The following PAPPA variants were observed in gnomAD, a reference collection of about 807,000 sequenced individuals.
The protein encoded by PAPPA is pappalysin-1.
PAPPA carries 60 observed loss-of-function variants against 164.0 expected under a neutral mutation model. That is an observed-to-expected ratio of 0.37 (90% CI 0.30 to 0.45). The LOEUF (loss-of-function observed/expected upper bound fraction) is 0.45. Among genes scored for constraint, PAPPA ranks in the 20% least tolerant of loss-of-function variants. PAPPA has a pLI of 1.00. For synonymous variants in PAPPA, 875 were observed against 814.1 expected, an observed-to-expected ratio of 1.07 and a Z score of -1.27; for missense variants, 1,782 against 2,087.3, an observed-to-expected ratio of 0.85 and a Z score of 2.85.
intron 20 of PAPPA, 85 bp downstream of exon 20, chr9:116,377,732 C>A (rs1846674204): frequency 7.1e-6 from 7 of 991,182 alleles, no homozygotes; most frequent in Non-Finnish European, 1.1e-5. Flanking sequence ...GTTGGCTATC[C>A]TTTGCCATAC....
chr9:116,176,299 G>C (rs1028679098), intron 1 of PAPPA, among the ~76,000 whole-genome samples: 5 of 152,178 alleles, frequency 3.3e-5, no homozygotes, highest in African/African-American at 1.2e-4. Context: ...GAGCATCAGA[G>C]AAAGAGGTTT....
intron 7 of PAPPA, among the ~76,000 whole-genome samples, chr9:116,236,941 A>T (rs867328067): frequency 6.6e-6 from 1 of 152,222 alleles, no homozygotes; most frequent in African/African-American, 2.4e-5. Flanking sequence ...ATGTGATTCC[A>T]ACTTCTGTTT....
At position 116,187,023 on chromosome 9, in the gene PAPPA, G is replaced by A. The variant is rs1447049989; in HGVS notation, c.416-131G>A. Reference sequence around the variant, plus strand: ...CAGAGGCACCATTAGCAACTCCTAGGATCCCACAGAGCAGTTGGAAAGCGA... The same window carrying A: ...CAGAGGCACCATTAGCAACTCCTAGAATCCCACAGAGCAGTTGGAAAGCGA... On this transcript the variant is annotated intron_variant, in intron 1 of 21. Coordinates refer to ENST00000328252, the MANE Select transcript of PAPPA (RefSeq NM_002581.5). The surrounding 1 kb of genome is among the most constrained non-coding windows in gnomAD (Gnocchi z 4.2). 16 of 670,692 alleles carry A rather than the reference G, an allele frequency of 2.4e-5. No individual in the cohort carries two copies. The highest frequency in any genetic ancestry group is 4.0e-5 in the Non-Finnish European group (16 of 403,808). The allele number at this position is 670,692 out of a possible 1,614,324, so 41.5% of individuals were successfully genotyped here. A position where few individuals can be genotyped will look rare whatever the true frequency, so the allele number is the denominator to read the frequency against.
intron 6 of PAPPA, among the ~76,000 whole-genome samples, chr9:116,229,699 A>C (rs1424898030): frequency 1.3e-5 from 2 of 152,208 alleles, no homozygotes; most frequent in South Asian, 2.1e-4. Flanking sequence ...CCTGCATGTC[A>C]TAAAGATTGC....
intron 1 of PAPPA, among the ~76,000 whole-genome samples, chr9:116,172,874 A>G (rs934772716): frequency 6.6e-6 from 1 of 152,216 alleles, no homozygotes; most frequent in African/African-American, 2.4e-5. Context: ...TTTAGTTTGT[A>G]CTATGCATTC....
At chr9:116,247,402 G>C (rs144358508) in intron 7 of PAPPA, among the ~76,000 whole-genome samples, 2 of 152,102 alleles carry the variant, frequency 1.3e-5, no homozygotes, top group Non-Finnish European at 2.9e-5. Flanking sequence ...TTTGAAAAAG[G>C]TACCCTGTTT....
intron 9 of PAPPA, among the ~76,000 whole-genome samples, chr9:116,276,931 T>C (rs1359606114): frequency 6.6e-6 from 1 of 151,998 alleles, no homozygotes; most frequent in Non-Finnish European, 1.5e-5. Flanking sequence ...CACCGAGCCT[T>C]GTGGCCCCTC....
chr9:116,212,467 G>C (rs2118686926), intron 4 of PAPPA, among the ~76,000 whole-genome samples: 1 of 152,242 alleles, frequency 6.6e-6, no homozygotes, highest in Middle Eastern at 3.4e-3. Context: ...TGGCAAATTA[G>C]AACAAGACAC....
chr9:116,361,520 C>T (rs182404178), intron 17 of PAPPA, among the ~76,000 whole-genome samples: 197 of 152,262 alleles, frequency 1.3e-3, no homozygotes, highest in Non-Finnish European at 2.2e-3. Flanking sequence ...CATTTGCACA[C>T]GCCCTTCCAT....
chr9:116,305,884 C>T (rs1845639430), intron 10 of PAPPA, among the ~76,000 whole-genome samples: 1 of 151,628 alleles, frequency 6.6e-6, no homozygotes, highest in Admixed American at 6.5e-5. Context: ...CATTGAGTGT[C>T]ACTCTGCAGA....
intron 10 of PAPPA, among the ~76,000 whole-genome samples, chr9:116,327,295 G>A (rs964213608): frequency 6.6e-6 from 1 of 152,198 alleles, no homozygotes; most frequent in African/African-American, 2.4e-5. Context: ...AAGAACCTTG[G>A]CATCACTGGA....
At chr9:116,164,432 C>T (rs1843699340) in intron 1 of PAPPA, among the ~76,000 whole-genome samples, 1 of 152,212 alleles carries the variant, frequency 6.6e-6, no homozygotes, top group Non-Finnish European at 1.5e-5. Flanking sequence ...AGAGGTTCCC[C>T]TCTTCTACTT....
chr9:116,359,650 G>A (rs557210564), intron 17 of PAPPA, among the ~76,000 whole-genome samples: 1 of 152,328 alleles, frequency 6.6e-6, no homozygotes, highest in South Asian at 2.1e-4. Context: ...CTAGCATCTA[G>A]TCTTAAAGAA....
At position 116,400,268 on chromosome 9, in the gene PAPPA, T is replaced by G. The variant is rs1036056840; in HGVS notation, c.*3652T>G. ...AAAGGAAATTGTTTATTCTACAGCC[T>G]CAGTAGGTAGACACAAACATAAAGA... On this transcript the variant is annotated 3_prime_UTR_variant, in exon 22 of 22. Transcript: ENST00000328252. The G allele has an allele frequency of 6.6e-6, 1 of 152,174 alleles. No homozygotes were observed. The highest frequency in any genetic ancestry group is 2.4e-5 in the African/African-American group (1 of 41,440). 9.4% of individuals were successfully genotyped at this position (152,174 alleles called of 1,614,324 possible).
At chr9:116,219,193 A>T (rs428379) in intron 4 of PAPPA, among the ~76,000 whole-genome samples, 68,650 of 152,066 alleles carry the variant, frequency 0.45, 15,898 homozygotes, top group East Asian at 0.64. Flanking sequence ...CTGTCCCTGC[A>T]CCCACCCATG....
Position 116,187,473 on chromosome 9 carries a change from G to A in PAPPA, c.735G>A (p.Leu245=). The change falls in exon 2 of 22, where the codon CTG becomes CTA. Residue 245 remains leucine (L), a synonymous_variant. Coordinates refer to ENST00000328252, the MANE Select transcript of PAPPA (RefSeq NM_002581.5). The surrounding 1 kb of genome is among the most constrained non-coding windows in gnomAD (Gnocchi z 4.2). ...CKVLMLGGSA[L]NHNYRGYIEH... ...TGCTCATGTTAGGGGGCAGTGCCCTGAATCACAACTACCGGGGCTACATCG... is the reference window on the plus strand; with the variant it reads ...TGCTCATGTTAGGGGGCAGTGCCCTAAATCACAACTACCGGGGCTACATCG... 4 of 1,614,184 alleles carry A rather than the reference G, an allele frequency of 2.5e-6. No individual in the cohort carries two copies. Among genetic ancestry groups the A allele is most frequent in the Non-Finnish European group, 3.4e-6 (4 of 1,180,042 alleles).
chr9:116,324,367 C>T (rs1845896501), intron 10 of PAPPA, among the ~76,000 whole-genome samples: 1 of 152,192 alleles, frequency 6.6e-6, no homozygotes, highest in African/African-American at 2.4e-5. Flanking sequence ...TTAGTACATA[C>T]AGAGTCCTTA....
At chr9:116,376,389 T>C (rs1362925563) in intron 19 of PAPPA, among the ~76,000 whole-genome samples, 1 of 152,232 alleles carries the variant, frequency 6.6e-6, no homozygotes, top group Non-Finnish European at 1.5e-5. Context: ...TTTAGCTTTC[T>C]TATTTCACCC....
intron 4 of PAPPA, among the ~76,000 whole-genome samples, chr9:116,215,881 C>A (rs1482417626): frequency 1.3e-5 from 2 of 152,044 alleles, no homozygotes; most frequent in African/African-American, 2.4e-5. Flanking sequence ...TAGTGTAAGA[C>A]CTGTACATAT....
Sources: allele counts gnomAD v4.1 joint callset (sites outside exome capture counted in the v4.1 genomes callset), GRCh38; gene constraint gnomAD v4.1.1; non-coding constraint Gnocchi (gnomAD v3.1); transcripts MANE v1.5; gene names NCBI Gene and HGNC (gene_info 2026-07-23, HGNC 2026-07-21).